The following NMNAT3 variants were observed in gnomAD, a reference collection of about 807,000 sequenced individuals.
The protein encoded by NMNAT3 is nicotinamide/nicotinic acid mononucleotide adenylyltransferase 3.
In NMNAT3, 21 loss-of-function variants were observed where a neutral mutation model predicts 24.8. The ratio of observed to expected loss-of-function variants is 0.85; its 90% CI spans 0.60 to 1.22. The LOEUF (loss-of-function observed/expected upper bound fraction) is 1.22, where lower values mean the gene tolerates loss of function less well. Among genes scored for constraint, NMNAT3 ranks in the 50% most tolerant of loss-of-function variants. NMNAT3 has a pLI of 0.00. For missense variants in NMNAT3, 387 were observed against 436.6 expected (o/e 0.89, Z 1.01); for synonymous variants, 136 against 155.2 (o/e 0.88, Z 0.92).
intron 1 of NMNAT3, among the ~76,000 whole-genome samples, chr3:139,675,515 G>A (rs2057901395): frequency 6.6e-6 from 1 of 152,168 alleles, no homozygotes; most frequent in Admixed American, 6.5e-5. Flanking sequence ...GCTTTCTGGG[G>A]CTTTCTGACA....
intron 5 of NMNAT3, chr3:139,576,203 C>T (rs1939284107): frequency 1.0e-6 from 1 of 985,192 alleles, no homozygotes. Context: ...CTTCTAAAAC[C>T]ACCTGACTTT....
At chr3:139,674,660 A>G (rs1474838177) in intron 1 of NMNAT3, among the ~76,000 whole-genome samples, 1 of 152,212 alleles carries the variant, frequency 6.6e-6, no homozygotes, top group Non-Finnish European at 1.5e-5. Context: ...AATGAAATGC[A>G]CATAAAGTTG....
At chr3:139,671,545 TC>T (rs1229887732) in intron 1 of NMNAT3, among the ~76,000 whole-genome samples, 1 of 151,528 alleles carries the variant, frequency 6.6e-6, no homozygotes, top group Non-Finnish European at 1.5e-5. Flanking sequence ...TATACTTTTA[TC>T]ATCGACGGTC....
chr3:139,590,042 T>A (rs1044271459), intron 3 of NMNAT3, among the ~76,000 whole-genome samples: 1 of 152,198 alleles, frequency 6.6e-6, no homozygotes, highest in South Asian at 2.1e-4. Flanking sequence ...GACAGTATAG[T>A]GGGTACAGAG....
rs150707939 is a variant in NMNAT3, at chr3:139,608,958, A to G, written c.109+18658T>C. On this transcript the variant is annotated intron_variant, in intron 3 of 6. Transcript: ENST00000643695. ...ATATGTTCCTTACTTACACAATTTT[A>G]TCATTTCAAGAAAGTTACAGATATT... is the stretch of plus-strand genomic sequence containing the variant. Among the ~76,000 whole-genome samples, 24 of 152,320 alleles carry G rather than the reference A, an allele frequency of 1.6e-4. No individual in the cohort carries two copies. The East Asian group carries it at 4.4e-3, about 28-fold the overall frequency.
chr3:139,673,116 G>A (rs2057811234), intron 1 of NMNAT3, among the ~76,000 whole-genome samples: 1 of 152,150 alleles, frequency 6.6e-6, no homozygotes, highest in Non-Finnish European at 1.5e-5. Flanking sequence ...TCAGCCTGGT[G>A]TGCCCAGGAG....
intron 3 of NMNAT3, among the ~76,000 whole-genome samples, chr3:139,605,348 AT>A (rs538130606): frequency 6.6e-6 from 1 of 151,766 alleles, no homozygotes; most frequent in African/African-American, 2.4e-5. Flanking sequence ...ACAGGCACAG[AT>A]TTTTTTTTAT....
At chr3:139,612,519 TG>T (rs2055273958) in intron 3 of NMNAT3, among the ~76,000 whole-genome samples, 1 of 152,328 alleles carries the variant, frequency 6.6e-6, no homozygotes, top group Non-Finnish European at 1.5e-5. Context: ...CATTCCAGTA[TG>T]CATTTGGACC....
At chr3:139,588,504 T>A (rs1240621344) in intron 3 of NMNAT3, among the ~76,000 whole-genome samples, 1 of 152,052 alleles carries the variant, frequency 6.6e-6, no homozygotes, top group African/African-American at 2.4e-5. Context: ...ACTGGAGAGC[T>A]GATAAAAATT....
chr3:139,599,486 A>G (rs2054618326), intron 3 of NMNAT3: 1 of 689,974 alleles, frequency 1.4e-6, no homozygotes, highest in East Asian at 2.7e-5. Flanking sequence ...ATCAGGAGCA[A>G]CTGTCACAAG....
At chr3:139,587,349 G>C (rs2053980035) in intron 3 of NMNAT3, among the ~76,000 whole-genome samples, 1 of 152,164 alleles carries the variant, frequency 6.6e-6, no homozygotes, top group Non-Finnish European at 1.5e-5. Context: ...GTACCATGGG[G>C]AGCCAAGGCA....
At chr3:139,577,404 A>G (rs1939494161) in intron 5 of NMNAT3, among the ~76,000 whole-genome samples, 1 of 152,134 alleles carries the variant, frequency 6.6e-6, no homozygotes. Context: ...TGTCATTTCC[A>G]TTTTATTAGG....
intron 6 of NMNAT3, chr3:139,567,735 C>T (rs1336939833): frequency 1.2e-4 from 19 of 152,210 alleles, no homozygotes; most frequent in African/African-American, 4.3e-4. Context: ...CTGCTGGATT[C>T]GGTTTGCCAG....
At chr3:139,571,750 G>A (rs372004685) in intron 6 of NMNAT3, among the ~76,000 whole-genome samples, 76 of 152,156 alleles carry the variant, frequency 5.0e-4, no homozygotes, top group African/African-American at 1.8e-3. Flanking sequence ...GGGCCTCACA[G>A]ACAGATAGGT....
chr3:139,575,331 TC>T (rs1344408654), intron 5 of NMNAT3, among the ~76,000 whole-genome samples: 3 of 152,164 alleles, frequency 2.0e-5, no homozygotes, highest in Non-Finnish European at 4.4e-5. Context: ...AAACTTTATT[TC>T]TGAGGATTCA....
At chr3:139,625,737 C>G (rs2056022375) in intron 3 of NMNAT3, among the ~76,000 whole-genome samples, 1 of 152,120 alleles carries the variant, frequency 6.6e-6, no homozygotes, top group African/African-American at 2.4e-5. Flanking sequence ...GTTACCATTT[C>G]CAGTGCTCTG....
chr3:139,653,821 C>T (rs1487221184), intron 1 of NMNAT3, among the ~76,000 whole-genome samples: 1 of 152,202 alleles, frequency 6.6e-6, no homozygotes, highest in African/African-American at 2.4e-5. Context: ...CAGTCAGCAA[C>T]ACGTTGTAAC....
intron 1 of NMNAT3, among the ~76,000 whole-genome samples, chr3:139,661,988 G>A (rs1337242613): frequency 2.0e-5 from 3 of 152,002 alleles, no homozygotes; most frequent in Non-Finnish European, 4.4e-5. Context: ...ACACAGTCAT[G>A]GTGACTCAGA....
At chr3:139,602,044 T>A (rs2054741994) in intron 3 of NMNAT3, among the ~76,000 whole-genome samples, 1 of 152,234 alleles carries the variant, frequency 6.6e-6, no homozygotes, top group African/African-American at 2.4e-5. Context: ...TTTACCTTCA[T>A]GGTAATTTAC....
Sources: allele counts gnomAD v4.1 joint callset (sites outside exome capture counted in the v4.1 genomes callset), GRCh38; gene constraint gnomAD v4.1.1; transcripts MANE v1.5; gene names NCBI Gene and HGNC (gene_info 2026-07-23, HGNC 2026-07-21).